The following ACTR3C variants were observed in gnomAD, a reference collection of about 807,000 sequenced individuals.
ACTR3C encodes the protein actin-related protein 3C.
Under a neutral mutation model 26.3 loss-of-function variants are expected in ACTR3C, and 18 were observed. The observed-to-expected ratio is 0.68, with a 90% CI of 0.47 to 1.01. ACTR3C has a LOEUF of 1.01. Among genes scored for constraint, ACTR3C ranks in the 50% least tolerant of loss-of-function variants. The pLI, the probability that ACTR3C is intolerant of heterozygous loss-of-function variation, is 0.00. For synonymous variants in ACTR3C, 55 were observed against 94.5 expected (o/e 0.58, Z 2.42); for missense variants, 184 against 250.7 (o/e 0.73, Z 1.80).
chr7:150,280,798 A>ATG (rs200924995), intron 6 of ACTR3C, among the ~76,000 whole-genome samples: 3,687 of 147,550 alleles, frequency 0.025, 106 homozygotes, highest in African/African-American at 0.078. Flanking sequence ...CCTGCTCTTG[A>ATG]TGTGTGTGTG....
the ACTR3C span, among the ~76,000 whole-genome samples, chr7:150,110,322 T>C: frequency 6.6e-6 from 1 of 151,570 alleles, no homozygotes; most frequent in East Asian, 1.9e-4. Context: ...CTGGCTGTTC[T>C]AGGGCAGAAG....
chr7:150,223,725 C>T, the ACTR3C span, among the ~76,000 whole-genome samples: 1 of 152,068 alleles, frequency 6.6e-6, no homozygotes, highest in South Asian at 2.1e-4. Flanking sequence ...TGGGGACCAT[C>T]CATAATTTGA....
chr7:150,272,075 A>G (rs1834491292), intron 6 of ACTR3C, among the ~76,000 whole-genome samples: 1 of 146,436 alleles, frequency 6.8e-6, no homozygotes, highest in Non-Finnish European at 1.5e-5. Flanking sequence ...ATTAGAGAGC[A>G]AACCACAACA....
At chr7:150,003,335 C>T in the ACTR3C span, among the ~76,000 whole-genome samples, 15 of 133,658 alleles carry the variant, frequency 1.1e-4, no homozygotes, top group African/African-American at 3.2e-4. Context: ...TGTATGATGT[C>T]GTATGTGGAA....
chr7:150,231,197 C>A, the ACTR3C span, among the ~76,000 whole-genome samples: 1 of 151,978 alleles, frequency 6.6e-6, no homozygotes, highest in African/African-American at 2.4e-5. Flanking sequence ...TTAGATCGTG[C>A]GATATTTAGA....
chr7:150,303,782 T>G (rs1275846724), intron 1 of ACTR3C, among the ~76,000 whole-genome samples: 5 of 152,258 alleles, frequency 3.3e-5, no homozygotes, highest in Non-Finnish European at 7.3e-5. Flanking sequence ...CTGGGGTTTT[T>G]TCTCTCTTTA....
At chr7:150,259,743 A>G (rs1833505901) in intron 6 of ACTR3C, among the ~76,000 whole-genome samples, 1 of 152,278 alleles carries the variant, frequency 6.6e-6, no homozygotes, top group African/African-American at 2.4e-5. Flanking sequence ...ACTCTTGCCC[A>G]TGGCTTGCTT....
chr7:150,027,086 T>TCACA, the ACTR3C span, among the ~76,000 whole-genome samples: 1 of 152,082 alleles, frequency 6.6e-6, no homozygotes, highest in South Asian at 2.1e-4. Context: ...TTTCTGCCAC[T>TCACA]CACACCCTGC....
At chr7:150,066,131 A>G in the ACTR3C span, among the ~76,000 whole-genome samples, 1 of 152,204 alleles carries the variant, frequency 6.6e-6, no homozygotes, top group Admixed American at 6.5e-5. Flanking sequence ...GAAATCACTG[A>G]TCTCAAACAT....
At position 150,299,476 on chromosome 7, in the gene ACTR3C, A is replaced by C. The variant is rs1199649502; in HGVS notation, c.-51-4129T>G. On this transcript the variant is annotated intron_variant, in intron 1 of 7. Transcript: ENST00000683684. ...AGAGACCCCCTCTCAAAAAAAAAAA[A>C]AAAAAAAAAAAAAAAAAACAAAAAA... is the stretch of plus-strand genomic sequence containing the variant. Among the ~76,000 whole-genome samples, 16 of 144,990 alleles carry C rather than the reference A, an allele frequency of 1.1e-4. 1 individual carries two copies. The highest frequency in any genetic ancestry group is 2.2e-4 in the South Asian group (1 of 4,634).
the ACTR3C span, among the ~76,000 whole-genome samples, chr7:150,198,641 C>T: frequency 4.7e-5 from 7 of 148,638 alleles, no homozygotes; most frequent in African/African-American, 1.3e-4. Context: ...GGAGATCCTC[C>T]GCCCGGCAGC....
the ACTR3C span, among the ~76,000 whole-genome samples, chr7:150,035,652 C>A: frequency 1.0e-4 from 14 of 136,712 alleles, 2 homozygotes; most frequent in Admixed American, 9.8e-4. Context: ...ACAACTAACA[C>A]TCGCAGTCCT....
the ACTR3C span, among the ~76,000 whole-genome samples, chr7:149,898,665 G>A: frequency 6.6e-6 from 1 of 151,304 alleles, no homozygotes; most frequent in African/African-American, 2.4e-5. Context: ...CCGAGATCAC[G>A]CCACTGCACT....
intron 1 of ACTR3C, among the ~76,000 whole-genome samples, chr7:150,297,851 CAAAAAAA>C (rs35970305): frequency 8.0e-5 from 7 of 87,164 alleles, no homozygotes; most frequent in Admixed American, 4.4e-4. Context: ...GACTCCGTCT[CAAAAAAA>C]AAAAAAAAAA....
At chr7:150,019,603 AAT>A in the ACTR3C span, among the ~76,000 whole-genome samples, 8 of 31,270 alleles carry the variant, frequency 2.6e-4, no homozygotes, top group East Asian at 0.026. Context: ...AAATAAAAAT[AAT>A]AATAATAATA....
chr7:150,159,286 G>C, the ACTR3C span, among the ~76,000 whole-genome samples: 3 of 151,916 alleles, frequency 2.0e-5, no homozygotes, highest in Non-Finnish European at 4.4e-5. Context: ...GGATGGGCTT[G>C]GTATGTCTTC....
chr7:150,259,847 C>T (rs1469404549), intron 6 of ACTR3C, among the ~76,000 whole-genome samples: 2 of 152,204 alleles, frequency 1.3e-5, no homozygotes, highest in African/African-American at 4.8e-5. Context: ...CCATGACCCT[C>T]CTGCCTTGTC....
At chr7:150,247,000 T>G (rs1310231975), downstream of ACTR3C, 2 of 152,392 alleles carry the variant, frequency 1.3e-5, no homozygotes, top group Middle Eastern at 6.8e-3. Context: ...TTCTCCATGT[T>G]GGTCAGGCTG....
chr7:150,322,426 G>GTGGT (rs1289424896), intron 1 of ACTR3C, among the ~76,000 whole-genome samples: 3 of 152,236 alleles, frequency 2.0e-5, no homozygotes, highest in African/African-American at 4.8e-5. Context: ...GGGACCTCTG[G>GTGGT]TGGTCCTCAC....
Sources: gnomAD v4.1 joint callset for allele counts (sites outside exome capture counted in the v4.1 genomes callset) on GRCh38, gnomAD v4.1.1 for gene constraint, MANE v1.5 for transcripts, NCBI Gene and HGNC (gene_info 2026-07-23, HGNC 2026-07-21) for gene names.